The following FGF14 variants were observed in gnomAD, a reference collection of about 807,000 sequenced individuals.
The protein encoded by FGF14 is fibroblast growth factor homologous factor 4.
In FGF14, 5 loss-of-function variants were observed where a neutral mutation model predicts 25.5. The ratio of observed to expected loss-of-function variants is 0.20; its 90% CI spans 0.10 to 0.41. FGF14 has a LOEUF of 0.41. FGF14 is among the 10% of genes least tolerant of loss of function. The pLI, the probability that FGF14 is intolerant of heterozygous loss-of-function variation, is 1.00. For missense variants in FGF14, 222 were observed against 320.1 expected (o/e 0.69, Z 2.34); for synonymous variants, 138 against 118.3 (o/e 1.17, Z -1.08).
intron 1 of FGF14, among the ~76,000 whole-genome samples, chr13:102,391,025 A>C (rs968438653): frequency 6.6e-6 from 1 of 152,182 alleles, no homozygotes; most frequent in Non-Finnish European, 1.5e-5. Flanking sequence ...GATGTTTCTC[A>C]TTTACTCTCA....
chr13:102,210,901 A>AGCGTAAGCCGAAT (rs2050129695), intron 1 of FGF14, among the ~76,000 whole-genome samples: 1 of 152,156 alleles, frequency 6.6e-6, no homozygotes, highest in Admixed American at 6.5e-5. Flanking sequence ...TCTCAATTGT[A>AGCGTAAGCCGAAT]GCGTAAGCCG....
chr13:101,793,421 CTGAATAGTATTTCAT>C (rs1362245623), intron 3 of FGF14, among the ~76,000 whole-genome samples: 1 of 152,110 alleles, frequency 6.6e-6, no homozygotes, highest in African/African-American at 2.4e-5. Context: ...CTTTGTAAGG[CTGAATAGTATTTCAT>C]TGTGTATATG....
intron 1 of FGF14, among the ~76,000 whole-genome samples, chr13:101,901,621 T>C (rs561934272): frequency 3.3e-5 from 5 of 152,116 alleles, no homozygotes; most frequent in South Asian, 4.1e-4. Flanking sequence ...GGAGAATTAC[T>C]TGAACCCCAG....
intron 1 of FGF14, among the ~76,000 whole-genome samples, chr13:101,880,222 C>T (rs772068293): frequency 1.3e-5 from 2 of 152,146 alleles, no homozygotes; most frequent in Non-Finnish European, 2.9e-5. Context: ...TCCACCACTT[C>T]TCTGCCTATC....
At chr13:102,138,735 C>A (rs553266209) in intron 1 of FGF14, among the ~76,000 whole-genome samples, 27 of 152,036 alleles carry the variant, frequency 1.8e-4, no homozygotes, top group Admixed American at 3.3e-4. Context: ...AGGAGCTGGG[C>A]AAATTAAAGG....
At chr13:101,752,826 G>A (rs1050873263) in intron 3 of FGF14, among the ~76,000 whole-genome samples, 1 of 152,174 alleles carries the variant, frequency 6.6e-6, no homozygotes, top group Non-Finnish European at 1.5e-5. Flanking sequence ...TAGGCTAGAA[G>A]AGGGCAGGGC....
At chr13:102,027,202 A>C (rs1254180692) in intron 1 of FGF14, among the ~76,000 whole-genome samples, 2 of 151,458 alleles carry the variant, frequency 1.3e-5, no homozygotes, top group Admixed American at 6.6e-5. Context: ...GAGAAATAAA[A>C]AGAAACACAC....
chr13:102,371,574 G>C (rs956574771), intron 1 of FGF14, among the ~76,000 whole-genome samples: 1 of 152,064 alleles, frequency 6.6e-6, no homozygotes, highest in South Asian at 2.1e-4. Flanking sequence ...GCATTATAAT[G>C]TCAATATTGT....
intron 1 of FGF14, chr13:102,016,881 T>C (rs2040373807): frequency 6.6e-6 from 1 of 152,362 alleles, no homozygotes; most frequent in East Asian, 1.9e-4. Flanking sequence ...ACTGGTTATA[T>C]TGACAGGTGT....
chr13:102,245,333 C>T (rs1329697041), intron 1 of FGF14, among the ~76,000 whole-genome samples: 3 of 151,974 alleles, frequency 2.0e-5, no homozygotes, highest in Non-Finnish European at 2.9e-5. Flanking sequence ...AGTTAGAAAA[C>T]GTTAGAGAAC....
intron 1 of FGF14, among the ~76,000 whole-genome samples, chr13:102,120,586 G>A (rs1408414327): frequency 6.6e-6 from 1 of 152,084 alleles, no homozygotes; most frequent in Non-Finnish European, 1.5e-5. Flanking sequence ...CCCTCACAAA[G>A]ACGTCATCCA....
chr13:102,386,469 A>T (rs1369719921), intron 1 of FGF14, among the ~76,000 whole-genome samples: 1 of 152,186 alleles, frequency 6.6e-6, no homozygotes, highest in African/African-American at 2.4e-5. Context: ...ACCAATTATA[A>T]ATTTGAAAGG....
chr13:102,079,497 C>T (rs760556115), intron 1 of FGF14, among the ~76,000 whole-genome samples: 1 of 151,936 alleles, frequency 6.6e-6, no homozygotes. Flanking sequence ...CCCAGGCTAT[C>T]CTTGAACTCT....
At chr13:102,173,963 TA>T (rs2140697478) in intron 1 of FGF14, among the ~76,000 whole-genome samples, 1 of 152,042 alleles carries the variant, frequency 6.6e-6, no homozygotes, top group African/African-American at 2.4e-5. Context: ...AGAGAAAGAA[TA>T]AAAGGCATCC....
intron 3 of FGF14, among the ~76,000 whole-genome samples, chr13:101,835,609 G>T (rs927886123): frequency 2.2e-4 from 33 of 151,968 alleles, no homozygotes; most frequent in African/African-American, 7.5e-4. Context: ...GTCCTAACGT[G>T]CAGTGCTAAC....
intron 1 of FGF14, among the ~76,000 whole-genome samples, chr13:102,148,302 A>C (rs1165873475): frequency 6.6e-6 from 1 of 152,192 alleles, no homozygotes; most frequent in East Asian, 1.9e-4. Flanking sequence ...AAATCACTTT[A>C]ATTGTTGTAT....
chr13:102,101,168 ATTCT>A (rs1422275236), intron 1 of FGF14, among the ~76,000 whole-genome samples: 1 of 151,988 alleles, frequency 6.6e-6, no homozygotes. Context: ...TAGTGTTCAC[ATTCT>A]TTCTACTATA....
intron 1 of FGF14, among the ~76,000 whole-genome samples, chr13:101,935,250 A>C (rs2035024024): frequency 6.6e-6 from 1 of 152,224 alleles, no homozygotes; most frequent in African/African-American, 2.4e-5. Flanking sequence ...CTTCAGGGCT[A>C]CATCCAGCAG....
intron 1 of FGF14, among the ~76,000 whole-genome samples, chr13:102,261,462 A>C (rs2052711859): frequency 6.6e-6 from 1 of 152,254 alleles, no homozygotes; most frequent in Non-Finnish European, 1.5e-5. Context: ...AGCAGCATCC[A>C]AATAGCAGTT....
Sources: allele counts gnomAD v4.1 joint callset (sites outside exome capture counted in the v4.1 genomes callset), GRCh38; gene constraint gnomAD v4.1.1; transcripts MANE v1.5; gene names NCBI Gene and HGNC (gene_info 2026-07-23, HGNC 2026-07-21).